Variants in KCTD1 observed in about 807,000 individuals in gnomAD.
The protein encoded by KCTD1 is BTB/POZ domain-containing protein KCTD1.
Under a neutral mutation model 66.0 loss-of-function variants are expected in KCTD1, and 24 were observed. The observed-to-expected ratio is 0.36, with a 90% CI of 0.26 to 0.51. The LOEUF (loss-of-function observed/expected upper bound fraction) is 0.51, where lower values mean the gene tolerates loss of function less well. KCTD1 is among the 20% of genes least tolerant of loss of function. KCTD1 has a pLI of 0.95. For missense variants in KCTD1, 943 were observed against 1,205.2 expected, an observed-to-expected ratio of 0.78 and a Z score of 3.22; for synonymous variants, 511 against 517.2, an observed-to-expected ratio of 0.99 and a Z score of 0.16.
At chr18:26,509,920 C>T (rs944350732) in intron 1 of KCTD1, among the ~76,000 whole-genome samples, 2 of 152,178 alleles carry the variant, frequency 1.3e-5, no homozygotes, top group African/African-American at 4.8e-5. Flanking sequence ...AGGAATAAAT[C>T]GCCCTACCTG....
intron 1 of KCTD1, among the ~76,000 whole-genome samples, chr18:26,513,434 C>T (rs1983459346): frequency 1.3e-5 from 2 of 152,018 alleles, no homozygotes; most frequent in African/African-American, 2.4e-5. Context: ...TTTAGTAATT[C>T]CACATTACAA....
chr18:26,590,829 A>G (rs1436305434), intron 1 of KCTD1, among the ~76,000 whole-genome samples: 1 of 152,168 alleles, frequency 6.6e-6, no homozygotes, highest in Non-Finnish European at 1.5e-5. Flanking sequence ...GATTCTGGCT[A>G]GGTCCTACAT....
intron 1 of KCTD1, among the ~76,000 whole-genome samples, chr18:26,593,558 G>GAAAGAT (rs1986681045): frequency 7.2e-6 from 1 of 138,968 alleles, no homozygotes; most frequent in African/African-American, 2.7e-5. Context: ...ACGAGGAGGA[G>GAAAGAT]GAGGAGGAGG....
intron 2 of KCTD1, among the ~76,000 whole-genome samples, chr18:26,492,093 T>C (rs1982229227): frequency 6.6e-6 from 1 of 152,032 alleles, no homozygotes; most frequent in South Asian, 2.1e-4. Flanking sequence ...ACATAAAAAA[T>C]TAGCCAGGTG....
intron 1 of KCTD1, among the ~76,000 whole-genome samples, chr18:26,515,509 C>CTTTT (rs11389627): frequency 7.5e-6 from 1 of 133,104 alleles, no homozygotes; most frequent in African/African-American, 2.8e-5. Flanking sequence ...CCTCTTTTTT[C>CTTTT]TTTTTTTTTT....
chr18:26,492,573 C>T (rs920555261), intron 2 of KCTD1, among the ~76,000 whole-genome samples: 6 of 151,078 alleles, frequency 4.0e-5, no homozygotes, highest in South Asian at 2.1e-4. Context: ...GCCACTGCAC[C>T]GCAGGCTGAG....
intron 1 of KCTD1, among the ~76,000 whole-genome samples, chr18:26,588,404 G>A (rs767813144): frequency 2.6e-5 from 4 of 152,112 alleles, no homozygotes; most frequent in Non-Finnish European, 5.9e-5. Context: ...AGGAACCCCC[G>A]GGGTCCCTGG....
chr18:26,541,130 C>T (rs1984954862), intron 1 of KCTD1, among the ~76,000 whole-genome samples: 1 of 152,156 alleles, frequency 6.6e-6, no homozygotes. Flanking sequence ...TCCAGGGTTA[C>T]ATAAATGAAC....
intron 1 of KCTD1, among the ~76,000 whole-genome samples, chr18:26,604,414 T>G (rs893768273): frequency 6.6e-6 from 1 of 152,204 alleles, no homozygotes; most frequent in African/African-American, 2.4e-5. Flanking sequence ...ACTGGGTATA[T>G]ACCCAGAGGA....
chr18:26,587,781 A>G (rs1290937625), intron 1 of KCTD1, among the ~76,000 whole-genome samples: 1 of 152,240 alleles, frequency 6.6e-6, no homozygotes, highest in Admixed American at 6.5e-5. Flanking sequence ...AAATAGCAAG[A>G]GAACTAGAAT....
chr18:26,473,663 G>C (rs183710944), intron 3 of KCTD1, among the ~76,000 whole-genome samples: 6 of 152,036 alleles, frequency 3.9e-5, no homozygotes, highest in African/African-American at 1.4e-4. Flanking sequence ...CTGATGAAGC[G>C]GCTTTTGCTT....
intron 3 of KCTD1, among the ~76,000 whole-genome samples, chr18:26,472,644 C>G (rs956851511): frequency 2.0e-5 from 3 of 151,694 alleles, no homozygotes; most frequent in Admixed American, 6.6e-5. Flanking sequence ...CTTACTTACT[C>G]CCTAAAGTGG....
Position 26,476,017 on chromosome 18 carries a change from A to C in KCTD1, c.2133+498T>G, listed in dbSNP as rs1567960351. 1.3e-5 allele frequency among the ~76,000 whole-genome samples: 2 copies of C among 152,200 alleles called. No homozygotes were observed. The highest frequency in any genetic ancestry group is 6.5e-5 in the Admixed American group (1 of 15,282). ...TTACATTTTCGTGAATTCCCTTCTA[A>C]TATTAACACTTTCTATTTGTTCTCC... On this transcript the variant is annotated intron_variant, in intron 3 of 4. Coordinates refer to ENST00000580059, the MANE Select transcript of KCTD1 (RefSeq NM_001142730.3). The surrounding 1 kb of genome is among the most constrained non-coding windows in gnomAD (Gnocchi z 4.9).
chr18:26,503,511 C>T (rs1982874423), intron 1 of KCTD1, among the ~76,000 whole-genome samples: 1 of 152,024 alleles, frequency 6.6e-6, no homozygotes, highest in African/African-American at 2.4e-5. Context: ...AACACACACA[C>T]ACAGGCACAC....
intron 1 of KCTD1, among the ~76,000 whole-genome samples, chr18:26,567,504 T>TTTG (rs1313295838): frequency 6.7e-6 from 1 of 149,330 alleles, no homozygotes; most frequent in Non-Finnish European, 1.5e-5. Flanking sequence ...TTTTTTTTTT[T>TTTG]TGAGACACAG....
intron 1 of KCTD1, among the ~76,000 whole-genome samples, chr18:26,604,308 G>A (rs1986964086): frequency 6.6e-6 from 1 of 152,116 alleles, no homozygotes; most frequent in Non-Finnish European, 1.5e-5. Flanking sequence ...TTACATACTG[G>A]TGAGAGTTTA....
At chr18:26,478,968 T>C (rs988449099) in intron 2 of KCTD1, among the ~76,000 whole-genome samples, 1 of 152,198 alleles carries the variant, frequency 6.6e-6, no homozygotes, top group Non-Finnish European at 1.5e-5. Flanking sequence ...AAAGGAACAA[T>C]CCTGGAGGTG....
intron 3 of KCTD1, among the ~76,000 whole-genome samples, chr18:26,474,295 T>C (rs992184433): frequency 6.6e-6 from 1 of 152,214 alleles, no homozygotes; most frequent in Non-Finnish European, 1.5e-5. Flanking sequence ...GTTTTTGCTA[T>C]TATAAACATG....
chr18:26,600,012 C>A, intron 1 of KCTD1: 1 of 1,611,326 alleles, frequency 6.2e-7, no homozygotes, highest in Non-Finnish European at 8.5e-7. Flanking sequence ...TCTCAGCCAA[C>A]GATATGGAGG....
Sources: allele counts gnomAD v4.1 joint callset (sites outside exome capture counted in the v4.1 genomes callset), GRCh38; gene constraint gnomAD v4.1.1; non-coding constraint Gnocchi (gnomAD v3.1); transcripts MANE v1.5; gene names NCBI Gene and HGNC (gene_info 2026-07-23, HGNC 2026-07-21).